The following PLXDC2 variants were observed in gnomAD, a reference collection of about 807,000 sequenced individuals.
The protein encoded by PLXDC2 is plexin domain-containing protein 2.
In PLXDC2, 40 loss-of-function variants were observed where a neutral mutation model predicts 68.9. That is an observed-to-expected ratio of 0.58 (90% CI 0.45 to 0.76). PLXDC2 has a LOEUF of 0.76. Ranked by LOEUF, PLXDC2 falls within the 30% of genes least tolerant of loss-of-function variation. The probability of loss-of-function intolerance (pLI) is 0.00; values close to 1 mark genes in which losing one functional copy is unlikely to be tolerated. For missense variants in PLXDC2, 644 were observed against 661.9 expected (o/e 0.97, Z 0.30); for synonymous variants, 243 against 234.2 (o/e 1.04, Z -0.34).
chr10:20,198,307 G>C (rs538424488), intron 9 of PLXDC2, among the ~76,000 whole-genome samples: 1 of 152,070 alleles, frequency 6.6e-6, no homozygotes, highest in South Asian at 2.1e-4. Flanking sequence ...TGTTCTTTGC[G>C]TTTCACTCTC....
At chr10:20,020,178 A>ATTTTTTTTTTTTTTTTTTTTTTTTTT (rs71388889) in intron 2 of PLXDC2, among the ~76,000 whole-genome samples, 1 of 107,352 alleles carries the variant, frequency 9.3e-6, no homozygotes, top group African/African-American at 4.1e-5. Flanking sequence ...CACCCAGCAA[A>ATTTTTTTTTTTTTTTTTTTTTTTTTT]TTTTTTTTTT....
chr10:19,888,803 T>C (rs980266767), intron 1 of PLXDC2, among the ~76,000 whole-genome samples: 5 of 152,068 alleles, frequency 3.3e-5, no homozygotes, highest in Non-Finnish European at 5.9e-5. Context: ...GAAAGCACGG[T>C]TACTAAAAAA....
At chr10:20,133,460 A>G (rs1037573936) in intron 4 of PLXDC2, among the ~76,000 whole-genome samples, 3 of 152,170 alleles carry the variant, frequency 2.0e-5, no homozygotes, top group South Asian at 2.1e-4. Context: ...GTAAAAGTCA[A>G]CTTGGCTAGT....
chr10:20,147,107 C>T (rs1834090834), intron 5 of PLXDC2, among the ~76,000 whole-genome samples: 1 of 151,854 alleles, frequency 6.6e-6, no homozygotes. Context: ...TATTTCATGC[C>T]CAATCGTTTA....
At chr10:20,050,131 A>C (rs1408014249) in intron 3 of PLXDC2, among the ~76,000 whole-genome samples, 2 of 152,168 alleles carry the variant, frequency 1.3e-5, no homozygotes, top group African/African-American at 4.8e-5. Context: ...TGTTCAATAA[A>C]TGGTGCTGGG....
At chr10:20,147,932 T>G (rs1423357702) in intron 6 of PLXDC2, 30 bp downstream of exon 6, 3 of 1,463,820 alleles carry the variant, frequency 2.0e-6, no homozygotes, top group Non-Finnish European at 1.9e-6. Context: ...TTTCTTTCCC[T>G]TCCCCTTGTT....
rs1353628302 is a variant in PLXDC2 at position 20,288,189 on chromosome 10, G to C, written c.*8370G>C. 6.6e-6 allele frequency: 1 copy of C among 152,184 alleles called. No individual in the cohort carries two copies. Among genetic ancestry groups the C allele is most frequent in the African/African-American group, 2.4e-5 (1 of 41,438 alleles). The allele number at this position is 152,184 out of a possible 1,614,324, so 9.4% of individuals were successfully genotyped here. A position where few individuals can be genotyped will look rare whatever the true frequency, so the allele number is the denominator to read the frequency against. ...GCAAAAAGAATGACTATGTGTGTGA[G>C]TGCAGCACATGGCCAGTTCGTTTCT... On this transcript the variant is annotated 3_prime_UTR_variant, in exon 14 of 14. Transcript: ENST00000377252.
intron 7 of PLXDC2, among the ~76,000 whole-genome samples, chr10:20,165,823 A>G (rs1430773721): frequency 3.3e-5 from 5 of 152,164 alleles, no homozygotes; most frequent in African/African-American, 1.2e-4. Context: ...AGAAACCAAA[A>G]TGCTAACTGC....
chr10:20,265,363 C>G (rs1225316992), intron 13 of PLXDC2, among the ~76,000 whole-genome samples: 1 of 152,164 alleles, frequency 6.6e-6, no homozygotes, highest in African/African-American at 2.4e-5. Context: ...TATGACTATC[C>G]TTTATGCATT....
chr10:19,817,399 C>A (rs1025513016), intron 1 of PLXDC2, among the ~76,000 whole-genome samples: 5 of 152,074 alleles, frequency 3.3e-5, no homozygotes, highest in African/African-American at 1.2e-4. Context: ...TTTCTTGAGG[C>A]TTTCGGGCTT....
intron 13 of PLXDC2, among the ~76,000 whole-genome samples, chr10:20,278,940 C>G (rs903563435): frequency 1.3e-5 from 2 of 152,108 alleles, no homozygotes; most frequent in African/African-American, 4.8e-5. Flanking sequence ...TTCAGTACAT[C>G]TATTTGTAAA....
At chr10:20,090,039 A>T (rs7916674) in intron 4 of PLXDC2, among the ~76,000 whole-genome samples, 101,851 of 151,890 alleles carry the variant, frequency 0.67, 36,598 homozygotes, top group East Asian at 1. Context: ...GTGGCACCGC[A>T]GAGTGTCAAG....
chr10:20,243,152 A>T (rs1835540295), intron 12 of PLXDC2, among the ~76,000 whole-genome samples: 1 of 152,228 alleles, frequency 6.6e-6, no homozygotes, highest in African/African-American at 2.4e-5. Flanking sequence ...GTGTTCATTG[A>T]GGAGGTATTG....
chr10:19,823,189 G>A (rs1434379301), intron 1 of PLXDC2, among the ~76,000 whole-genome samples: 3 of 151,946 alleles, frequency 2.0e-5, no homozygotes, highest in Non-Finnish European at 4.4e-5. Flanking sequence ...GTGCTGGGAT[G>A]TTTACTTATG....
Position 19,951,408 on chromosome 10 carries a change from C to G in PLXDC2, c.113-50367C>G, listed in dbSNP as rs77942913. Among the ~76,000 whole-genome samples the G allele has an allele frequency of 6.8e-4, 104 of 152,154 alleles. 2 individuals carry two copies. In the East Asian group the frequency reaches 0.019, roughly 27 times the overall value. ...GCCAACAAACATATGAAAAAAAATG[C>G]TCATTATCACTAATCATTAGAGAAA... On this transcript the variant is annotated intron_variant, in intron 1 of 13. Coordinates refer to ENST00000377252, the MANE Select transcript of PLXDC2 (RefSeq NM_032812.9).
At chr10:20,186,545 T>A (rs936708695) in intron 9 of PLXDC2, among the ~76,000 whole-genome samples, 1 of 151,938 alleles carries the variant, frequency 6.6e-6, no homozygotes, top group Admixed American at 6.6e-5. Flanking sequence ...TAGTTACTTT[T>A]TCTGATCCTC....
intron 4 of PLXDC2, among the ~76,000 whole-genome samples, chr10:20,092,820 G>A (rs566473883): frequency 6.6e-6 from 1 of 152,074 alleles, no homozygotes; most frequent in South Asian, 2.1e-4. Context: ...CAGAACAAGA[G>A]GAAGCAATGC....
intron 3 of PLXDC2, among the ~76,000 whole-genome samples, chr10:20,050,058 A>G (rs145526377): frequency 6.6e-6 from 1 of 152,162 alleles, no homozygotes; most frequent in Non-Finnish European, 1.5e-5. Flanking sequence ...ATAAGGCCAC[A>G]TACCTATGAC....
At chr10:20,235,094 A>G (rs1440295219) in intron 12 of PLXDC2, among the ~76,000 whole-genome samples, 2 of 152,188 alleles carry the variant, frequency 1.3e-5, no homozygotes, top group East Asian at 1.9e-4. Context: ...TGTGGATTCT[A>G]TATCCTATGT....
Sources: allele counts gnomAD v4.1 joint callset (sites outside exome capture counted in the v4.1 genomes callset), GRCh38; gene constraint gnomAD v4.1.1; transcripts MANE v1.5; gene names NCBI Gene and HGNC (gene_info 2026-07-23, HGNC 2026-07-21).